The following PKHD1 variants were observed in gnomAD, a reference collection of about 807,000 sequenced individuals.
The protein encoded by PKHD1 is fibrocystin.
PKHD1 carries 291 observed loss-of-function variants against 412.0 expected under a neutral mutation model. The ratio of observed to expected loss-of-function variants is 0.71; its 90% confidence interval spans 0.64 to 0.78. The LOEUF (loss-of-function observed/expected upper bound fraction) is 0.78. Ranked by LOEUF, PKHD1 falls within the 30% of genes least tolerant of loss-of-function variation. PKHD1 has a pLI of 0.00. For synonymous variants in PKHD1, 1,777 were observed against 1,821.5 expected, an observed-to-expected ratio of 0.98 and a Z score of 0.62; for missense variants, 4,825 against 4,950.7, an observed-to-expected ratio of 0.97 and a Z score of 0.76.
chr6:51,805,948 TAC>T (rs1462048492), intron 52 of PKHD1, among the ~76,000 whole-genome samples: 5 of 152,108 alleles, frequency 3.3e-5, no homozygotes, highest in Admixed American at 2.0e-4. Context: ...ACAATAAACA[TAC>T]GTGTGCATGT....
At chr6:51,634,025 C>G (rs1251225291) in intron 64 of PKHD1, among the ~76,000 whole-genome samples, 2 of 151,560 alleles carry the variant, frequency 1.3e-5, no homozygotes, top group Non-Finnish European at 2.9e-5. Flanking sequence ...ATATGCTTAT[C>G]ATGTGTCAAT....
chr6:51,826,593 T>G (rs896368377), intron 52 of PKHD1, among the ~76,000 whole-genome samples: 4 of 152,150 alleles, frequency 2.6e-5, no homozygotes, highest in African/African-American at 9.7e-5. Context: ...TCCTACTACT[T>G]AAGAAGTTGA....
At chr6:51,857,014 G>C (rs914574590) in intron 48 of PKHD1, among the ~76,000 whole-genome samples, 3 of 152,234 alleles carry the variant, frequency 2.0e-5, no homozygotes, top group Non-Finnish European at 2.9e-5. Flanking sequence ...TGAGGAGACT[G>C]AGGCAGGGTA....
At chr6:51,990,728 A>ATC (rs147177651) in intron 35 of PKHD1, among the ~76,000 whole-genome samples, 23 of 147,480 alleles carry the variant, frequency 1.6e-4, no homozygotes, top group Middle Eastern at 3.5e-3. Context: ...CTCTTTTCCC[A>ATC]TCTCTCTCTC....
rs1378292989 is a variant in PKHD1 at position 52,010,201 on chromosome 6, ATAT to A, written c.5751+105_5751+107del. On this transcript the variant is annotated intron_variant, in intron 35 of 66. Coordinates refer to ENST00000371117, the MANE Select transcript of PKHD1 (RefSeq NM_138694.4). ...GCTTCTCAAAGTTTGAGCACATTTA[ATAT>A]TATATATCGCTGCCATTTGGACTAA... 4 of 912,484 alleles carry A rather than the reference ATAT, an allele frequency of 4.4e-6. No homozygotes were observed. The African/African-American group carries it at 4.9e-5, about 11-fold the overall frequency. The allele number at this position is 912,484 out of a possible 1,614,324, so 56.5% of individuals were successfully genotyped here. A position where few individuals can be genotyped will look rare whatever the true frequency, so the allele number is the denominator to read the frequency against.
At chr6:51,754,567 ATGTG>A (rs1379288437) in intron 56 of PKHD1, among the ~76,000 whole-genome samples, 1 of 152,154 alleles carries the variant, frequency 6.6e-6, no homozygotes, top group African/African-American at 2.4e-5. Flanking sequence ...GTGCATGTGT[ATGTG>A]TGTATGTGTA....
At chr6:51,951,669 T>C (rs1790387543) in intron 36 of PKHD1, among the ~76,000 whole-genome samples, 1 of 152,200 alleles carries the variant, frequency 6.6e-6, no homozygotes, top group Non-Finnish European at 1.5e-5. Context: ...ACCCCAGGAA[T>C]ATTGTATAGA....
Position 52,025,380 on chromosome 6 carries a change from G to A in PKHD1, c.4430C>T (p.Thr1477Ile), listed in dbSNP as rs966655230. 1 of 1,612,420 alleles carries A rather than the reference G, an allele frequency of 6.2e-7. No homozygotes were observed. Among genetic ancestry groups the A allele is most frequent in the African/African-American group, 1.3e-5 (1 of 74,866 alleles). ...ACTTGCCTCTTCCCTTATGAAAAGA[G>A]TGCAATTCCCCTGACACTCGCTGGT... The part of the protein sequence containing the change: ...GLTSECQGNC[T>I]LFIREEASPV... The change falls in exon 32 of 67, where the codon ACT becomes ATT. Residue 1477 changes from threonine (T) to isoleucine (I), a missense_variant. Coordinates refer to ENST00000371117, the MANE Select transcript of PKHD1 (RefSeq NM_138694.4).
intron 14 of PKHD1, 77 bp downstream of exon 14, chr6:52,062,442 T>G (rs957573349): frequency 2.0e-5 from 29 of 1,422,666 alleles, no homozygotes; most frequent in Non-Finnish European, 2.7e-5. Flanking sequence ...CTTGATACCT[T>G]CCTTATCTGT....
rs563140507 is a variant in PKHD1 at position 51,940,890 on chromosome 6, C to A, written c.5909-6568G>T. On this transcript the variant is annotated intron_variant, in intron 36 of 66. Coordinates refer to ENST00000371117, the MANE Select transcript of PKHD1 (RefSeq NM_138694.4). Reference sequence around the variant, plus strand: ...CTCTGGTGCCATCTTAGACAACATTCTTTTATGCACTCCTTTTTAGTTATC... The same window carrying A: ...CTCTGGTGCCATCTTAGACAACATTATTTTATGCACTCCTTTTTAGTTATC... Among the ~76,000 whole-genome samples the A allele has an allele frequency of 1.2e-4, 18 of 151,580 alleles. 3 individuals carry two copies. The highest frequency in any genetic ancestry group is 2.7e-4 in the Non-Finnish European group (18 of 67,672).
intron 27 of PKHD1, among the ~76,000 whole-genome samples, chr6:52,038,985 A>G (rs1207414988): frequency 2.0e-5 from 3 of 152,254 alleles, no homozygotes; most frequent in African/African-American, 7.2e-5. Flanking sequence ...CAAATTATTT[A>G]TCTGATAAGT....
chr6:51,990,782 A>G (rs1257510981), intron 35 of PKHD1, among the ~76,000 whole-genome samples: 1 of 150,336 alleles, frequency 6.7e-6, no homozygotes, highest in East Asian at 1.9e-4. Context: ...TTTTTTTTGT[A>G]ACTTATTCAG....
intron 45 of PKHD1, 31 bp downstream of exon 45, chr6:51,885,836 C>T: frequency 7.3e-7 from 1 of 1,365,800 alleles, no homozygotes; most frequent in Non-Finnish European, 1.0e-6. Context: ...TTAAAAACAA[C>T]AACAATAACA....
chr6:51,763,085 T>C (rs1345945326), intron 55 of PKHD1, among the ~76,000 whole-genome samples: 1 of 152,124 alleles, frequency 6.6e-6, no homozygotes, highest in African/African-American at 2.4e-5. Context: ...TAAGAAACTT[T>C]GTTTTTAATA....
At chr6:51,631,908 G>A (rs1017065707) in intron 65 of PKHD1, among the ~76,000 whole-genome samples, 1 of 150,330 alleles carries the variant, frequency 6.7e-6, no homozygotes, top group Admixed American at 6.6e-5. Context: ...AAGAGGAGAG[G>A]ATGACATTTC....
At chr6:51,935,951 A>G (rs1787406191) in intron 36 of PKHD1, among the ~76,000 whole-genome samples, 1 of 152,182 alleles carries the variant, frequency 6.6e-6, no homozygotes, top group South Asian at 2.1e-4. Flanking sequence ...TCTCCAGTCT[A>G]TATAAAATAG....
chr6:51,978,961 T>A (rs1459024371), intron 35 of PKHD1, among the ~76,000 whole-genome samples: 1 of 152,176 alleles, frequency 6.6e-6, no homozygotes, highest in Non-Finnish European at 1.5e-5. Flanking sequence ...AACATGTGTA[T>A]AATGACATTC....
At chr6:52,065,521 A>C (rs1809557680) in intron 12 of PKHD1, among the ~76,000 whole-genome samples, 1 of 152,122 alleles carries the variant, frequency 6.6e-6, no homozygotes, top group Admixed American at 6.5e-5. Flanking sequence ...GACCTGGCAA[A>C]ACAAAAGGCT....
chr6:51,668,959 T>A (rs1581959961), intron 60 of PKHD1, among the ~76,000 whole-genome samples: 1 of 152,362 alleles, frequency 6.6e-6, no homozygotes, highest in East Asian at 1.9e-4. Context: ...AGTATTTTAT[T>A]GAGGATTTTT....
Sources: allele counts gnomAD v4.1 joint callset (sites outside exome capture counted in the v4.1 genomes callset), GRCh38; gene constraint gnomAD v4.1.1; transcripts MANE v1.5; gene names NCBI Gene and HGNC (gene_info 2026-07-23, HGNC 2026-07-21).